PMS2: variants seen among roughly 807,000 people sequenced by gnomAD.
The protein encoded by PMS2 is mismatch repair endonuclease PMS2.
PMS2 carries 69 observed loss-of-function variants against 90.0 expected under a neutral mutation model. The ratio of observed to expected loss-of-function variants is 0.77; its 90% CI spans 0.63 to 0.94. The LOEUF is 0.94. Among genes scored for constraint, PMS2 ranks in the 40% least tolerant of loss-of-function variants. The probability of loss-of-function intolerance (pLI) is 0.00; values close to 1 mark genes in which losing one functional copy is unlikely to be tolerated. For missense variants in PMS2, 966 were observed against 1,040.2 expected, an observed-to-expected ratio of 0.93 and a Z score of 0.98; for synonymous variants, 332 against 375.1, an observed-to-expected ratio of 0.89 and a Z score of 1.33.
At chr7:5,982,682 T>G in intron 12 of PMS2, 142 bp downstream of exon 12, 1 of 1,282,242 alleles carries the variant, frequency 7.8e-7, no homozygotes, top group Non-Finnish European at 1.1e-6. Context: ...CTAGATCTCT[T>G]CTTTTTTAAA....
At chr7:6,003,351 T>C (rs1030639201) in intron 4 of PMS2, 8 of 167,464 alleles carry the variant, frequency 4.8e-5, no homozygotes, top group African/African-American at 1.9e-4. Context: ...TTCATATCTG[T>C]GCTATAATTA....
Position 6,005,893 on chromosome 7 carries a change from A to G in PMS2, c.162T>C (p.Ile54=). 2.5e-6 allele frequency: 4 copies of G among 1,610,816 alleles called. No homozygotes were observed. Among genetic ancestry groups the G allele is most frequent in the Non-Finnish European group, 3.4e-6 (4 of 1,179,840 alleles). ...ENSLDAGATN[I]DLKLKDYGVD... is the part of the protein sequence containing the mutation. ...GGCTTAAAACTCTCCCAAACTTACC[A>G]ATATTAGTGGCACCAGCATCCAGAC... The change falls in exon 2 of 15, where the codon ATT becomes ATC. Residue 54 remains isoleucine, a splice_region_variant and synonymous_variant. Transcript: ENST00000265849.
intron 8 of PMS2, among the ~76,000 whole-genome samples, chr7:5,993,862 C>CAAAAAA (rs61677497): frequency 2.3e-4 from 9 of 38,938 alleles, no homozygotes; most frequent in East Asian, 1.0e-3. Context: ...GACTCTGTCT[C>CAAAAAA]AAAAAAAAAA....
At chr7:5,993,370 C>CAAAAAA (rs141290969) in intron 8 of PMS2, among the ~76,000 whole-genome samples, 61 of 72,706 alleles carry the variant, frequency 8.4e-4, no homozygotes, top group South Asian at 2.5e-3. Flanking sequence ...GACTCCGTCT[C>CAAAAAA]AAAAAAAAAA....
At chr7:6,004,240 G>T in intron 2 of PMS2, 182 bp from the exon 3 acceptor site, 1 of 528,106 alleles carries the variant, frequency 1.9e-6, no homozygotes, top group Non-Finnish European at 3.4e-6. Flanking sequence ...TACTAGCCCA[G>T]ACTAAATAGT....
At chr7:5,981,391 C>T (rs58138107) in intron 12 of PMS2, among the ~76,000 whole-genome samples, 14,009 of 141,014 alleles carry the variant, frequency 0.099, 1,058 homozygotes, top group East Asian at 0.26. Flanking sequence ...ACCACAGGCA[C>T]ACACCATCAA....
rs538161983 is a variant in PMS2 at position 6,008,822 on chromosome 7, C to A, written c.23+175G>T. 2.0e-5 allele frequency among the ~76,000 whole-genome samples: 3 copies of A among 152,298 alleles called. No individual in the cohort carries two copies. In the East Asian group the frequency reaches 5.8e-4, roughly 30 times the overall value. ...AGGAGCTTGCCTCGGCCTCAAGGCG[C>A]ACCCAAGGGGCACGAGATCGCTGCA... On this transcript the variant is annotated intron_variant, in intron 1 of 14. Transcript: ENST00000265849.
chr7:5,990,616 G>T (rs1486318091), intron 9 of PMS2, among the ~76,000 whole-genome samples: 1 of 152,136 alleles, frequency 6.6e-6, no homozygotes. Flanking sequence ...ATTATAGGTA[G>T]GTGTGTAAAT....
chr7:5,996,575 GCT>G (rs1784413161), intron 7 of PMS2, among the ~76,000 whole-genome samples: 1 of 61,984 alleles, frequency 1.6e-5, no homozygotes, highest in Non-Finnish European at 3.5e-5. Flanking sequence ...CCATCTCAAA[GCT>G]AAAAAAAAAA....
chr7:5,977,898 T>TCG, intron 13 of PMS2, 141 bp from the exon 14 acceptor site: 1 of 1,329,566 alleles, frequency 7.5e-7, no homozygotes. Flanking sequence ...GGCCAGCGGA[T>TCG]CATGAGGTCA....
chr7:5,997,286 A>C (rs759470189), intron 7 of PMS2, 40 bp downstream of exon 7: 3 of 982,306 alleles, frequency 3.1e-6, no homozygotes, highest in Middle Eastern at 4.1e-4. Flanking sequence ...TCTCAGGATA[A>C]AATGTTCAAT....
In PMS2 at chr7:5,978,554, A is replaced by G. The variant is rs181380255; in HGVS notation, c.2275+42T>C. On this transcript the variant is annotated intron_variant, in intron 13 of 14. Coordinates refer to ENST00000265849, the MANE Select transcript of PMS2 (RefSeq NM_000535.7). ...CCAGAGTGCTGGGATTACAGACGTG[A>G]GCCACCACACCCAGCCGCTATAGTT... The G allele has an allele frequency of 4.1e-3, 6,162 of 1,508,468 alleles. 130 individuals carry two copies. The highest frequency in any genetic ancestry group is 5.2e-3 in the Non-Finnish European group (5,712 of 1,099,462). The allele number at this position is 1,508,468 out of a possible 1,614,324, so 93.4% of individuals were successfully genotyped here.
At chr7:6,006,568 G>A (rs1349922749) in intron 1 of PMS2, among the ~76,000 whole-genome samples, 1 of 151,966 alleles carries the variant, frequency 6.6e-6, no homozygotes, top group African/African-American at 2.4e-5. Context: ...CAGGAGAATC[G>A]CTTAAATCCA....
At chr7:5,979,110 C>T (rs1174070949) in intron 12 of PMS2, among the ~76,000 whole-genome samples, 5 of 136,888 alleles carry the variant, frequency 3.7e-5, no homozygotes, top group African/African-American at 8.5e-5. Context: ...GCATGAGATT[C>T]GTTTGAACCC....
Position 5,983,751 on chromosome 7 carries a change from G to A in PMS2, c.2007-760C>T, listed in dbSNP as rs576599766. On this transcript the variant is annotated intron_variant, in intron 11 of 14. Coordinates refer to ENST00000265849, the MANE Select transcript of PMS2 (RefSeq NM_000535.7). Reference sequence around the variant, plus strand: ...ACTGCAACCTGCGCCTCCCAGGTTCGAGCGATTCTCCTGCCTCAGCCTCCC... The same window carrying A: ...ACTGCAACCTGCGCCTCCCAGGTTCAAGCGATTCTCCTGCCTCAGCCTCCC... 2.6e-5 allele frequency among the ~76,000 whole-genome samples: 4 copies of A among 151,086 alleles called. No individual in the cohort carries two copies. The South Asian group carries it at 8.3e-4, about 31-fold the overall frequency.
intron 1 of PMS2, among the ~76,000 whole-genome samples, chr7:6,006,539 G>A (rs1276973189): frequency 6.6e-6 from 1 of 152,100 alleles, no homozygotes; most frequent in Non-Finnish European, 1.5e-5. Context: ...TGTAATCCTA[G>A]CTACTCAGGA....
chr7:5,995,307 G>A (rs768335191), intron 8 of PMS2, among the ~76,000 whole-genome samples: 5 of 152,190 alleles, frequency 3.3e-5, no homozygotes, highest in Non-Finnish European at 7.3e-5. Flanking sequence ...AAAGTGCTGG[G>A]ATTACAGGCA....
chr7:5,994,634 G>C (rs1784169410), intron 8 of PMS2, among the ~76,000 whole-genome samples: 1 of 151,682 alleles, frequency 6.6e-6, no homozygotes, highest in African/African-American at 2.4e-5. Context: ...AAATTAACCA[G>C]GCGTGGTGGC....
Position 5,989,944 on chromosome 7 carries a change from T to C in PMS2, c.1000A>G (p.Ile334Val), listed in dbSNP as rs1448106115. ...NISVDSECVDINVTPDKRQIL... is the reference protein window; with the variant it reads ...NISVDSECVDVNVTPDKRQIL... ...TGCCTTTTATCTGGAGTAACATTGA[T>C]ATCAACGCATTCTAAGGCAAAAAAG... Residue 334 changes from isoleucine (I) to valine (V), a missense_variant, in exon 10 of 15, where the codon ATC (isoleucine) becomes GTC (valine). Ile to Val is a conservative substitution (Grantham distance 29). This residue lies in a region of PMS2 where 871 missense variants were observed against 802.4 expected (regional missense o/e 1.09). Coordinates refer to ENST00000265849, the MANE Select transcript of PMS2 (RefSeq NM_000535.7). 6.2e-7 allele frequency: 1 copy of C among 1,602,034 alleles called. No homozygotes were observed. The highest frequency in any genetic ancestry group is 8.5e-7 in the Non-Finnish European group (1 of 1,170,682).
Sources: allele counts gnomAD v4.1 joint callset (sites outside exome capture counted in the v4.1 genomes callset), GRCh38; gene constraint gnomAD v4.1.1; regional missense constraint gnomAD v4.1.1; transcripts MANE v1.5; gene names NCBI Gene and HGNC (gene_info 2026-07-23, HGNC 2026-07-21).